GPHN: variants seen among roughly 807,000 people sequenced by gnomAD.
The protein encoded by GPHN is gephyrin.
GPHN carries 17 observed loss-of-function variants against 95.5 expected under a neutral mutation model. The ratio of observed to expected loss-of-function variants is 0.18; its 90% CI spans 0.12 to 0.27. The LOEUF (loss-of-function observed/expected upper bound fraction) is 0.27. GPHN is among the 10% of genes least tolerant of loss of function. GPHN has a pLI of 1.00. For missense variants in GPHN, 660 were observed against 978.1 expected (o/e 0.67, Z 4.34); for synonymous variants, 320 against 322.5 (o/e 0.99, Z 0.08).
Position 66,703,991 on chromosome 14 carries a change from G to GA in GPHN, c.143+22816dup, listed in dbSNP as rs111469791. On this transcript the variant is annotated intron_variant, in intron 2 of 22. Transcript: ENST00000478722. ...AAAAAAAAAGAAAGAAAGAAAAAAAGAAAAAAAAAAGGGCAGGAGTTGCAA... is the reference window on the plus strand; with the variant it reads ...AAAAAAAAAGAAAGAAAGAAAAAAAGAAAAAAAAAAAGGGCAGGAGTTGCAA... 3.2e-3 allele frequency among the ~76,000 whole-genome samples: 449 copies of GA among 139,760 alleles called. 3 individuals carry two copies. Among genetic ancestry groups the GA allele is most frequent in the African/African-American group, 0.011 (406 of 38,336 alleles). 91.7% of individuals were successfully genotyped at this position (139,760 alleles called of 152,430 possible). A position where few individuals can be genotyped will look rare whatever the true frequency, so the allele number is the denominator to read the frequency against.
chr14:66,894,749 A>G (rs923953263), intron 5 of GPHN, among the ~76,000 whole-genome samples: 3 of 152,366 alleles, frequency 2.0e-5, no homozygotes, highest in South Asian at 2.1e-4. Flanking sequence ...CAACAGACAC[A>G]TGAAAAAATG....
chr14:67,594,875 C>T, the GPHN span, among the ~76,000 whole-genome samples: 7 of 151,704 alleles, frequency 4.6e-5, no homozygotes, highest in Non-Finnish European at 8.8e-5. Context: ...TTAGGCCGGG[C>T]GCGGTGGCTC....
At chr14:66,870,897 G>C (rs117342522) in intron 4 of GPHN, among the ~76,000 whole-genome samples, 1 of 152,144 alleles carries the variant, frequency 6.6e-6, no homozygotes, top group Non-Finnish European at 1.5e-5. Context: ...ATAAGAGTTT[G>C]AGCCATTTTA....
At chr14:67,674,482 G>A in the GPHN span, 19 of 1,604,740 alleles carry the variant, frequency 1.2e-5, no homozygotes, top group Admixed American at 1.7e-5. Flanking sequence ...GGCGGCGGAG[G>A]AGGCCATGGC....
chr14:67,675,111 CTG>C, the GPHN span, among the ~76,000 whole-genome samples: 3 of 152,216 alleles, frequency 2.0e-5, no homozygotes, highest in Non-Finnish European at 2.9e-5. Context: ...CGCGTCTTGA[CTG>C]TTAGCTTTCG....
intron 18 of GPHN, among the ~76,000 whole-genome samples, chr14:67,144,242 A>ATATATATATATATACATATAT (rs1567399860): frequency 1.5e-5 from 1 of 68,078 alleles, no homozygotes; most frequent in African/African-American, 7.9e-5. Flanking sequence ...GTCTTAAAAA[A>ATATATATATATATACATATAT]AAAAAAAAAT....
the GPHN span, among the ~76,000 whole-genome samples, chr14:67,533,900 G>A: frequency 6.6e-6 from 1 of 152,160 alleles, no homozygotes; most frequent in Non-Finnish European, 1.5e-5. Context: ...TGTCCTAGGA[G>A]TCTTAGCGAG....
intron 9 of GPHN, among the ~76,000 whole-genome samples, chr14:66,992,837 A>C (rs6573742): frequency 0.32 from 48,432 of 152,040 alleles, 11,094 homozygotes; most frequent in African/African-American, 0.63. Flanking sequence ...TTCAAATTTC[A>C]GTGTTTAAAA....
the GPHN span, chr14:67,575,524 A>G: frequency 8.9e-6 from 10 of 1,127,086 alleles, no homozygotes; most frequent in Non-Finnish European, 1.1e-5. Flanking sequence ...CCCGAAGCAC[A>G]TGACTGCCAC....
At chr14:67,132,288 A>G (rs2079766456) in intron 17 of GPHN, among the ~76,000 whole-genome samples, 1 of 152,160 alleles carries the variant, frequency 6.6e-6, no homozygotes, top group Admixed American at 6.5e-5. Context: ...CTAATTTTTC[A>G]TTGCTTACCC....
chr14:67,513,257 C>A, the GPHN span, among the ~76,000 whole-genome samples: 3 of 152,202 alleles, frequency 2.0e-5, no homozygotes, highest in Admixed American at 6.5e-5. Flanking sequence ...TTGGGACAAA[C>A]CAATAAAGCC....
Position 66,965,243 on chromosome 14 carries a change from C to T in GPHN, c.881C>T (p.Ala294Val). 1 of 1,610,964 alleles carries T rather than the reference C, an allele frequency of 6.2e-7. No homozygotes were observed. The highest frequency in any genetic ancestry group is 8.5e-7 in the Non-Finnish European group (1 of 1,177,098). The change falls in exon 9 of 23, where the codon GCC (alanine) becomes GTC (valine). Residue 294 changes from alanine to valine, a missense_variant. Coordinates refer to ENST00000478722, the MANE Select transcript of GPHN (RefSeq NM_020806.5). ...RGVQVLPRDT[A>V]SLSTTPSESP... ...GTTCAGGTGCTCCCACGAGACACAG[C>T]CTCCCTCAGCACTACTCCTTCAGAA...
chr14:67,384,422 A>G, the GPHN span: 1 of 151,696 alleles, frequency 6.6e-6, no homozygotes, highest in Non-Finnish European at 1.5e-5. Flanking sequence ...TAATTCGTAC[A>G]TAATAAGTTT....
the GPHN span, chr14:67,678,304 C>A: frequency 6.6e-7 from 1 of 1,524,440 alleles, no homozygotes; most frequent in South Asian, 1.1e-5. Context: ...TCTCTTGGGT[C>A]CAACTGGCAC....
At chr14:67,342,335 A>G in the GPHN span, among the ~76,000 whole-genome samples, 6 of 152,010 alleles carry the variant, frequency 3.9e-5, no homozygotes, top group Admixed American at 3.3e-4. Flanking sequence ...CTATGCATAG[A>G]TAACCTATTG....
At chr14:66,997,102 A>T (rs2071858319) in intron 9 of GPHN, among the ~76,000 whole-genome samples, 1 of 152,146 alleles carries the variant, frequency 6.6e-6, no homozygotes, top group African/African-American at 2.4e-5. Context: ...GCAGTGGCTC[A>T]CACCTGTAAT....
the GPHN span, among the ~76,000 whole-genome samples, chr14:67,494,611 T>C: frequency 6.6e-6 from 1 of 152,102 alleles, no homozygotes; most frequent in African/African-American, 2.4e-5. Flanking sequence ...GGTTGAGAGG[T>C]AGGGGATGCC....
At chr14:66,894,986 G>C (rs2064753634) in intron 5 of GPHN, among the ~76,000 whole-genome samples, 2 of 152,304 alleles carry the variant, frequency 1.3e-5, no homozygotes, top group East Asian at 1.9e-4. Context: ...AATACCATTT[G>C]ACCCAGCCAT....
chr14:67,349,952 G>C, the GPHN span, among the ~76,000 whole-genome samples: 1 of 152,180 alleles, frequency 6.6e-6, no homozygotes, highest in Non-Finnish European at 1.5e-5. Context: ...CAGAAACCTT[G>C]AAAACAACTT....
Sources: gnomAD v4.1 joint callset for allele counts (sites outside exome capture counted in the v4.1 genomes callset) on GRCh38, gnomAD v4.1.1 for gene constraint, MANE v1.5 for transcripts, NCBI Gene and HGNC (gene_info 2026-07-23, HGNC 2026-07-21) for gene names.